Variants in DEAF1 observed in about 807,000 individuals in gnomAD.
DEAF1 encodes the protein deformed epidermal autoregulatory factor 1 homolog.
In DEAF1, 53 loss-of-function variants were observed where a neutral mutation model predicts 58.9. The ratio of observed to expected loss-of-function variants is 0.90; its 90% CI spans 0.72 to 1.13. DEAF1 has a LOEUF of 1.13. Ranked by LOEUF, DEAF1 falls within the 50% of genes most tolerant of loss-of-function variation. The pLI is 0.00. For missense variants in DEAF1, 685 were observed against 791.4 expected, an observed-to-expected ratio of 0.87 and a Z score of 1.61; for synonymous variants, 385 against 340.4, an observed-to-expected ratio of 1.13 and a Z score of -1.44.
At chr11:680,002 A>ACCAGGATG (rs1554942898) in intron 7 of DEAF1, 186 bp from the exon 8 acceptor site, 1 of 686,896 alleles carries the variant, frequency 1.5e-6, no homozygotes, top group East Asian at 2.8e-5. Flanking sequence ...CACAGGAGAA[A>ACCAGGATG]ACCAGGATGG....
intron 1 of DEAF1, among the ~76,000 whole-genome samples, chr11:702,189 G>A (rs550690202): frequency 5.9e-5 from 9 of 152,288 alleles, no homozygotes; most frequent in East Asian, 1.9e-4. Context: ...GGATGGAGGC[G>A]AGTTCTCTCA....
At chr11:663,473 C>T (rs1859401356) in intron 10 of DEAF1, among the ~76,000 whole-genome samples, 1 of 152,056 alleles carries the variant, frequency 6.6e-6, no homozygotes, top group Non-Finnish European at 1.5e-5. Flanking sequence ...CCTCTGGAGT[C>T]AATACCAGGC....
rs1861069144 is a variant in DEAF1, at chr11:695,201, C to G, written c.-154G>C. 1 of 640,232 alleles carries G rather than the reference C, an allele frequency of 1.6e-6. No individual in the cohort carries two copies. Among genetic ancestry groups the G allele is most frequent in the African/African-American group, 1.9e-5 (1 of 51,596 alleles). 39.7% of individuals were successfully genotyped at this position (640,232 alleles called of 1,614,324 possible). ...AGGGACCGAAAAGGCAGCCAGCCGC[C>G]GAGCAGAGCCGAGCCGAGTCCGCCC... is the stretch of plus-strand genomic sequence containing the variant. On this transcript the variant is annotated 5_prime_UTR_variant, in exon 1 of 12. Transcript: ENST00000382409.
rs555399205 is a variant in DEAF1, at chr11:678,829, G to A, written c.1127-7C>T. 2.5e-6 allele frequency: 4 copies of A among 1,613,652 alleles called. No homozygotes were observed. The highest frequency in any genetic ancestry group is 3.4e-6 in the Non-Finnish European group (4 of 1,179,682). ...TGCACGCTGGCCTCTTGGACTGTTGGGGAGAAAAAGGACAGGGAGGCTCGG... is the reference window on the plus strand; with the variant it reads ...TGCACGCTGGCCTCTTGGACTGTTGAGGAGAAAAAGGACAGGGAGGCTCGG... On this transcript the variant is annotated splice_region_variant and splice_polypyrimidine_tract_variant and intron_variant, in intron 8 of 11. Coordinates refer to ENST00000382409, the MANE Select transcript of DEAF1 (RefSeq NM_021008.4).
At chr11:669,091 C>T (rs774586937) in intron 10 of DEAF1, among the ~76,000 whole-genome samples, 10 of 149,248 alleles carry the variant, frequency 6.7e-5, no homozygotes, top group Non-Finnish European at 1.3e-4. Context: ...TCCCAAACTG[C>T]TGGGATTACA....
At chr11:695,595 G>A (rs889208109), upstream of DEAF1, 18 of 1,242,664 alleles carry the variant, frequency 1.4e-5, no homozygotes, top group African/African-American at 3.1e-5. Context: ...CGAGCCGAAT[G>A]TCCCCGAGGC....
In DEAF1 at chr11:686,852, C is replaced by T. The variant is rs368008151; in HGVS notation, c.804+6G>A. Reference sequence around the variant, plus strand: ...TGCTGAGCACAGGTGAGGTCACGGACGATACCTGGATGAGGCACTGCAAGG... The same window carrying T: ...TGCTGAGCACAGGTGAGGTCACGGATGATACCTGGATGAGGCACTGCAAGG... On this transcript the variant is annotated splice_donor_region_variant and intron_variant, in intron 5 of 11. Coordinates refer to ENST00000382409, the MANE Select transcript of DEAF1 (RefSeq NM_021008.4). 5.1e-5 allele frequency: 82 copies of T among 1,614,000 alleles called. No individual in the cohort carries two copies. Among genetic ancestry groups the T allele is most frequent in the Admixed American group, 3.5e-4 (21 of 60,000 alleles).
rs541060901 is a variant in DEAF1 at position 673,452 on chromosome 11, C to T, written c.1503+1084G>A. 1.2e-4 allele frequency among the ~76,000 whole-genome samples: 18 copies of T among 152,128 alleles called. No homozygotes were observed. The South Asian group carries it at 3.1e-3, about 26-fold the overall frequency. On this transcript the variant is annotated intron_variant, in intron 10 of 11. Transcript: ENST00000382409. ...CTGAGGCACAAGAATCGCTGGAGCCCGGGAGGCAAAGGTTGCAGTGAGCCG... is the reference window on the plus strand; with the variant it reads ...CTGAGGCACAAGAATCGCTGGAGCCTGGGAGGCAAAGGTTGCAGTGAGCCG...
rs182720001 is a variant in DEAF1, at chr11:673,498, A to G, written c.1503+1038T>C. Among the ~76,000 whole-genome samples, 81 of 152,360 alleles carry G rather than the reference A, an allele frequency of 5.3e-4. 1 individual carries two copies. In the East Asian group the frequency reaches 0.013, roughly 24 times the overall value. ...AGCCGAGATTGTGCCACTGCATTCT[A>G]GCCTGGGCGACAGAGTGACAGCCTG... On this transcript the variant is annotated intron_variant, in intron 10 of 11. Coordinates refer to ENST00000382409, the MANE Select transcript of DEAF1 (RefSeq NM_021008.4).
intron 1 of DEAF1, chr11:705,017 G>A (rs1861653501): frequency 4.1e-6 from 1 of 241,108 alleles, no homozygotes; most frequent in African/African-American, 2.3e-5. Flanking sequence ...AACGGCAAAG[G>A]CTGTAAACCA....
At chr11:668,632 G>A (rs2133343421) in intron 10 of DEAF1, among the ~76,000 whole-genome samples, 1 of 152,192 alleles carries the variant, frequency 6.6e-6, no homozygotes, top group East Asian at 1.9e-4. Flanking sequence ...AGATCAGCCT[G>A]GCAACACAGT....
At position 689,381 on chromosome 11, in the gene DEAF1, AT is replaced by A. The variant is rs374111650; in HGVS notation, c.388-922del. ...CCACCACACCAGGCTAATTTTTTGC[AT>A]TTTTTTTTTTAGTAGAGATGGGGTT... On this transcript the variant is annotated intron_variant, in intron 2 of 11. Transcript: ENST00000382409. Among the ~76,000 whole-genome samples, 499 of 145,254 alleles carry A rather than the reference AT, an allele frequency of 3.4e-3. 3 individuals are homozygous for A. The highest frequency in any genetic ancestry group is 0.011 in the African/African-American group (440 of 39,358).
rs1711773180 is a variant in DEAF1, at chr11:644,768, GC to G, written c.1594-115del. ...GCCCTCTGTAACCTCACCTGGAGGT[GC>G]TGAGAATGCCCTCCCCAGCCCCCGT... On this transcript the variant is annotated intron_variant, in intron 11 of 11. Coordinates refer to ENST00000382409, the MANE Select transcript of DEAF1 (RefSeq NM_021008.4). The surrounding 1 kb of genome is among the most constrained non-coding windows in gnomAD (Gnocchi z 4.3). 4 of 812,642 alleles carry G rather than the reference GC, an allele frequency of 4.9e-6. No individual in the cohort carries two copies. Among genetic ancestry groups the G allele is most frequent in the Non-Finnish European group, 8.2e-6 (4 of 487,404 alleles). 50.3% of individuals were successfully genotyped at this position (812,642 alleles called of 1,614,324 possible).
At chr11:686,483 T>C (rs1860598174) in intron 5 of DEAF1, among the ~76,000 whole-genome samples, 5 of 152,148 alleles carry the variant, frequency 3.3e-5, no homozygotes, top group Admixed American at 1.3e-4. Flanking sequence ...CTTAGTAGAC[T>C]GACGAGAAGT....
chr11:647,546 A>G (rs1236339995), intron 11 of DEAF1, among the ~76,000 whole-genome samples: 2 of 152,314 alleles, frequency 1.3e-5, no homozygotes, highest in African/African-American at 2.4e-5. Flanking sequence ...CAATTAAAAC[A>G]CAATCCAAAT....
At chr11:687,194 G>A (rs529995604) in intron 4 of DEAF1, among the ~76,000 whole-genome samples, 197 bp from the exon 5 acceptor site, 3 of 152,286 alleles carry the variant, frequency 2.0e-5, no homozygotes, top group South Asian at 2.1e-4. Context: ...GACCCCCTAC[G>A]TGATCTCTCC....
intron 10 of DEAF1, among the ~76,000 whole-genome samples, chr11:655,221 G>A (rs746761474): frequency 1.8e-4 from 28 of 152,224 alleles, no homozygotes; most frequent in Non-Finnish European, 4.1e-4. Flanking sequence ...GCGCACCGTG[G>A]CAGGCATGTG....
chr11:687,687 C>T (rs764725646), intron 4 of DEAF1, among the ~76,000 whole-genome samples: 8 of 152,088 alleles, frequency 5.3e-5, no homozygotes, highest in Non-Finnish European at 1.0e-4. Context: ...TTAGTAGAGA[C>T]GGGTTTTCAT....
At chr11:661,627 T>C (rs1409111258) in intron 10 of DEAF1, among the ~76,000 whole-genome samples, 2 of 152,078 alleles carry the variant, frequency 1.3e-5, no homozygotes, top group Admixed American at 6.6e-5. Context: ...GAAGAATCGC[T>C]TGAACCTGGG....
Sources: gnomAD v4.1 joint callset for allele counts (sites outside exome capture counted in the v4.1 genomes callset) on GRCh38, gnomAD v4.1.1 for gene constraint, Gnocchi (gnomAD v3.1) non-coding constraint, MANE v1.5 for transcripts, NCBI Gene and HGNC (gene_info 2026-07-23, HGNC 2026-07-21) for gene names.